The following TRPV4 variants were observed in gnomAD, a reference collection of about 807,000 sequenced individuals.
TRPV4 encodes the protein transient receptor potential cation channel subfamily V member 4, also known as OSM9-like transient receptor potential channel 4.
A neutral mutation model predicts 84.1 loss-of-function variants in TRPV4; 58 were observed. The observed-to-expected ratio is 0.69, with a 90% CI of 0.56 to 0.86. TRPV4 has a LOEUF of 0.86. TRPV4 is among the 40% of genes least tolerant of loss of function. The probability of loss-of-function intolerance (pLI) is 0.00; values close to 1 mark genes in which losing one functional copy is unlikely to be tolerated. For missense variants in TRPV4, 879 were observed against 1,181.1 expected (o/e 0.74, Z 3.75); for synonymous variants, 489 against 500.9 (o/e 0.98, Z 0.32).
chr12:109,805,470 G>A (rs941357311), intron 3 of TRPV4, among the ~76,000 whole-genome samples: 2 of 152,208 alleles, frequency 1.3e-5, no homozygotes, highest in African/African-American at 2.4e-5. Flanking sequence ...ACCAGGTGGC[G>A]AAGTGGCTCT....
intron 1 of TRPV4, among the ~76,000 whole-genome samples, chr12:109,822,575 C>T (rs567118740): frequency 6.6e-6 from 1 of 152,276 alleles, no homozygotes; most frequent in African/African-American, 2.4e-5. Flanking sequence ...AAGGGGGAGG[C>T]AGGATTAGAA....
In TRPV4 at chr12:109,783,665, G is replaced by A. The variant is rs144477274; in HGVS notation, c.2572C>T (p.Gln858Ter). 1.9e-6 allele frequency: 3 copies of A among 1,613,906 alleles called. No individual in the cohort carries two copies. Among genetic ancestry groups the A allele is most frequent in the African/African-American group, 2.7e-5 (2 of 75,064 alleles). ...MGNPRCDGHQ[Q>*]GYPRKWRTDD... ...GTCCTCCACTTGCGGGGGTAACCCT[G>A]CTGGTGGCCATCGCAGCGGGGGTTC... Residue 858 changes from glutamine to a stop codon, truncating the protein, a stop_gained, in exon 16 of 16, where the codon CAG becomes TAG. Transcript: ENST00000261740. LOFTEE classifies it high-confidence loss of function. This position sits in a 1 kb window ranked among gnomAD's most constrained non-coding sequence, Gnocchi z 4.6.
Position 109,794,429 on chromosome 12 carries a change from C to T in TRPV4, c.1391G>A (p.Arg464His), listed in dbSNP as rs758206734. 11 of 1,614,054 alleles carry T rather than the reference C, an allele frequency of 6.8e-6. No individual in the cohort carries two copies. Among genetic ancestry groups the T allele is most frequent in the Non-Finnish European group, 4.2e-6 (5 of 1,180,032 alleles). The change falls in exon 8 of 16, where the codon CGC becomes CAC. Residue 464 changes from arginine (R) to histidine (H), a missense_variant. Around this residue, in one of 4 missense-constraint regions of TRPV4, gnomAD observed 521 missense variants for 686.6 expected, o/e 0.76. Coordinates refer to ENST00000261740, the MANE Select transcript of TRPV4 (RefSeq NM_021625.5). The part of the protein sequence containing the change: ...PINELLRDKW[R>H]KFGAVSFYIN... ...GTAGAAGGAGACGGCCCCGAACTTGCGCCACTTGTCCCGCAGCAGTTCATT... is the reference window on the plus strand; with the variant it reads ...GTAGAAGGAGACGGCCCCGAACTTGTGCCACTTGTCCCGCAGCAGTTCATT...
intron 7 of TRPV4, among the ~76,000 whole-genome samples, chr12:109,794,950 G>A (rs890589214): frequency 2.6e-5 from 4 of 152,240 alleles, no homozygotes; most frequent in South Asian, 2.1e-4. Flanking sequence ...CCTGGGAGGC[G>A]GAGATTGCAG....
rs765541497 is a variant in TRPV4 at position 109,803,133 on chromosome 12, C to G, written c.570G>C (p.Thr190=). The G allele has an allele frequency of 6.2e-6, 10 of 1,614,046 alleles. No individual in the cohort carries two copies. The highest frequency in any genetic ancestry group is 8.5e-6 in the Non-Finnish European group (10 of 1,180,032). ...LTDEEFREPS[T]GKTCLPKALL... is the part of the protein sequence containing the mutation. ...AGGCCTTGGGCAGGCAGGTCTTCCCCGTAGATGGCTCTAGCAAGAGAGACA... is the reference window on the plus strand; with the variant it reads ...AGGCCTTGGGCAGGCAGGTCTTCCCGGTAGATGGCTCTAGCAAGAGAGACA... The change falls in exon 4 of 16, where the codon ACG becomes ACC. Residue 190 remains threonine, a synonymous_variant. Transcript: ENST00000261740.
At chr12:109,799,014 A>T in intron 5 of TRPV4, 102 bp from the exon 6 acceptor site, 1 of 1,155,392 alleles carries the variant, frequency 8.7e-7, no homozygotes, top group South Asian at 1.4e-5. Context: ...TCTGAGGATA[A>T]TGACGGAGAC....
chr12:109,818,520 G>T (rs79762876), intron 1 of TRPV4, among the ~76,000 whole-genome samples: 5,244 of 152,128 alleles, frequency 0.034, 108 homozygotes, highest in Middle Eastern at 0.061. Context: ...CCACCCGAGC[G>T]CTTACAGTGT....
rs74478346 is a variant in TRPV4 at position 109,801,106 on chromosome 12, C to A, written c.713-348G>T. On this transcript the variant is annotated intron_variant, in intron 4 of 15. Transcript: ENST00000261740. ...AGGAGGGAGATCACCTGAGCCCAGG[C>A]GTTTGAGGCAAGCCTGGGCAACACA... is the stretch of plus-strand genomic sequence containing the variant. Among the ~76,000 whole-genome samples the A allele has an allele frequency of 6.8e-3, 1,043 of 152,270 alleles. 17 individuals carry two copies. Among genetic ancestry groups the A allele is most frequent in the African/African-American group, 0.024 (1,006 of 41,542 alleles).
intron 1 of TRPV4, among the ~76,000 whole-genome samples, chr12:109,830,289 C>A (rs1892376571): frequency 6.6e-6 from 1 of 152,238 alleles, no homozygotes; most frequent in Non-Finnish European, 1.5e-5. Context: ...AGAACCCAGG[C>A]AAGAGATTTC....
intron 1 of TRPV4, among the ~76,000 whole-genome samples, chr12:109,817,107 A>T (rs1415666660): frequency 2.6e-5 from 4 of 152,172 alleles, no homozygotes; most frequent in Non-Finnish European, 5.9e-5. Context: ...GACTGGCCAG[A>T]CAGGAGAGGG....
intron 13 of TRPV4, among the ~76,000 whole-genome samples, chr12:109,787,932 C>T (rs1242573567): frequency 1.3e-5 from 2 of 152,230 alleles, no homozygotes; most frequent in Non-Finnish European, 2.9e-5. Flanking sequence ...CGGGCCAAGG[C>T]GGCCCCTGTC....
At position 109,798,786 on chromosome 12, in the gene TRPV4, G is replaced by A. The variant is rs1179420073; in HGVS notation, c.980C>T (p.Ala327Val). ...GGTGTTGTCAGCAATGGCCACCAGCGCATGCAGCACTGTGTTGCCTCGCGA... is the reference window on the plus strand; with the variant it reads ...GGTGTTGTCAGCAATGGCCACCAGCACATGCAGCACTGTGTTGCCTCGCGA... ...QDSRGNTVLH[A>V]LVAIADNTRE... is the part of the protein sequence containing the mutation. The change falls in exon 6 of 16, where the codon GCG (alanine) becomes GTG (valine). Residue 327 changes from alanine to valine, a missense_variant. By Grantham distance (64) the Ala-to-Val change is moderately conservative. This residue lies in a region of TRPV4 where 521 missense variants were observed against 686.6 expected (regional missense o/e 0.76). Transcript: ENST00000261740. The surrounding 1 kb of genome is among the most constrained non-coding windows in gnomAD (Gnocchi z 5.0). 3.1e-6 allele frequency: 5 copies of A among 1,614,178 alleles called. No individual in the cohort carries two copies. The highest frequency in any genetic ancestry group is 1.3e-5 in the African/African-American group (1 of 75,056).
rs10774894 is a variant in TRPV4, at chr12:109,783,826, G to A, written c.2459-48C>T. ...GGAGGGGTGGGGGTTGGTGGAGAGA[G>A]AGCGTGCGTATATTGAGTGCCTACT... On this transcript the variant is annotated intron_variant, in intron 15 of 15. Transcript: ENST00000261740. This position sits in a 1 kb window ranked among gnomAD's most constrained non-coding sequence, Gnocchi z 4.6. 1.9e-6 allele frequency: 3 copies of A among 1,602,544 alleles called. No individual in the cohort carries two copies. Among genetic ancestry groups the A allele is most frequent in the East Asian group, 2.2e-5 (1 of 44,768 alleles).
rs1388477277 is a variant in TRPV4 at position 109,788,452 on chromosome 12, C to T, written c.2156G>A (p.Gly719Asp). The T allele has an allele frequency of 6.2e-7, 1 of 1,614,228 alleles. No homozygotes were observed. Among genetic ancestry groups the T allele is most frequent in the Non-Finnish European group, 8.5e-7 (1 of 1,180,046 alleles). The stretch of plus-strand genomic sequence containing the variant: ...CTTGGAGACCTGGCCCACTGTCTCG[C>T]CCATGAGGGCAATGAGCATGTTGAG... Reference protein sequence around the residue: ...LLLNMLIALMGETVGQVSKES... With the variant: ...LLLNMLIALMDETVGQVSKES... Residue 719 changes from glycine to aspartate, a missense_variant, in exon 13 of 16, where the codon GGC (glycine) becomes GAC (aspartate). By Grantham distance (94) the Gly-to-Asp change is moderately conservative. This residue lies in a region of TRPV4 where 242 missense variants were observed against 355.3 expected (regional missense o/e 0.68). Coordinates refer to ENST00000261740, the MANE Select transcript of TRPV4 (RefSeq NM_021625.5).
intron 1 of TRPV4, among the ~76,000 whole-genome samples, chr12:109,817,032 C>T (rs1891881692): frequency 6.6e-6 from 1 of 152,182 alleles, no homozygotes; most frequent in Non-Finnish European, 1.5e-5. Context: ...TAGGGTCCTC[C>T]AGCATGTGAG....
chr12:109,784,473 C>T, intron 14 of TRPV4, 36 bp from the exon 15 acceptor site: 1 of 1,614,024 alleles, frequency 6.2e-7, no homozygotes, highest in Admixed American at 1.7e-5. Context: ...TGGGGAACCC[C>T]TCAGAGACGC....
At position 109,814,366 on chromosome 12, in the gene TRPV4, G is replaced by T; in HGVS notation, c.386+45C>A. On this transcript the variant is annotated intron_variant, in intron 2 of 15. Coordinates refer to ENST00000261740, the MANE Select transcript of TRPV4 (RefSeq NM_021625.5). The surrounding 1 kb of genome is among the most constrained non-coding windows in gnomAD (Gnocchi z 5.4). ...GGGGTGGATGATGAATGGGTGAATG[G>T]ATACAGAGGAGGAGACCACAGGCCA... 1 of 1,601,086 alleles carries T rather than the reference G, an allele frequency of 6.2e-7. No homozygotes were observed. The highest frequency in any genetic ancestry group is 8.5e-7 in the Non-Finnish European group (1 of 1,173,058).
In TRPV4 at chr12:109,793,791, G is replaced by T; in HGVS notation, c.1584+139C>A. On this transcript the variant is annotated intron_variant, in intron 9 of 15. Transcript: ENST00000261740. This position sits in a 1 kb window ranked among gnomAD's most constrained non-coding sequence, Gnocchi z 4.0. Reference sequence around the variant, plus strand: ...ACGTGGGATTGGAGGAGGTAGAAGAGAAATGGGAAAATAAAAGGAGGAAGG... The same window carrying T: ...ACGTGGGATTGGAGGAGGTAGAAGATAAATGGGAAAATAAAAGGAGGAAGG... The T allele has an allele frequency of 1.2e-6, 1 of 847,652 alleles. No individual in the cohort carries two copies. The highest frequency in any genetic ancestry group is 2.0e-6 in the Non-Finnish European group (1 of 508,750). The allele number at this position is 847,652 out of a possible 1,614,324, so 52.5% of individuals were successfully genotyped here. A position where few individuals can be genotyped will look rare whatever the true frequency, so the allele number is the denominator to read the frequency against.
At position 109,792,829 on chromosome 12, in the gene TRPV4, C is replaced by T; in HGVS notation, c.1659-12G>A. ...CAGAGTAGATGAAGCTGCAGTGCAG[C>T]AGAGACCACAAGAGAGGCCAGAGGG... is the stretch of plus-strand genomic sequence containing the variant. On this transcript the variant is annotated splice_polypyrimidine_tract_variant and intron_variant, in intron 10 of 15. Transcript: ENST00000261740. 6.2e-7 allele frequency: 1 copy of T among 1,613,274 alleles called. No homozygotes were observed. The highest frequency in any genetic ancestry group is 8.5e-7 in the Non-Finnish European group (1 of 1,179,964).
Sources: gnomAD v4.1 joint callset for allele counts (sites outside exome capture counted in the v4.1 genomes callset) on GRCh38, gnomAD v4.1.1 for gene constraint, gnomAD v4.1.1 regional missense constraint, Gnocchi (gnomAD v3.1) non-coding constraint, MANE v1.5 for transcripts, NCBI Gene and HGNC (gene_info 2026-07-23, HGNC 2026-07-21) for gene names.